Variants in CLHC1 observed in about 807,000 individuals in gnomAD.
The protein encoded by CLHC1 is clathrin heavy chain linker domain-containing protein 1.
Under a neutral mutation model 69.5 loss-of-function variants are expected in CLHC1, and 72 were observed. That is an observed-to-expected ratio of 1.04 (90% CI 0.86 to 1.26). The LOEUF is 1.26. CLHC1 is among the 50% of genes most tolerant of loss of function. The pLI is 0.00. For synonymous variants in CLHC1, 223 were observed against 224.3 expected (o/e 0.99, Z 0.05); for missense variants, 790 against 679.3 (o/e 1.16, Z -1.81).
At chr2:55,223,227 CAATA>C (rs1490219258) in intron 2 of CLHC1, among the ~76,000 whole-genome samples, 6 of 152,210 alleles carry the variant, frequency 3.9e-5, no homozygotes, top group Admixed American at 3.9e-4. Context: ...CACACAATAG[CAATA>C]AATAATGTAT....
chr2:55,184,196 C>T (rs527397174), intron 9 of CLHC1, among the ~76,000 whole-genome samples: 4 of 148,782 alleles, frequency 2.7e-5, no homozygotes, highest in East Asian at 2.0e-4. Context: ...ATCTTAACTT[C>T]CCAGGCTCAG....
At chr2:55,227,105 G>A (rs1195288879) in intron 2 of CLHC1, among the ~76,000 whole-genome samples, 3 of 152,108 alleles carry the variant, frequency 2.0e-5, no homozygotes, top group Admixed American at 6.5e-5. Flanking sequence ...AAGATTAAAA[G>A]GCCAAAATTA....
chr2:55,212,770 T>C lies in CLHC1; in HGVS notation c.402A>G (p.Gln134=), dbSNP rs760407335. The C allele has an allele frequency of 2.5e-6, 4 of 1,603,566 alleles. No homozygotes were observed. In the South Asian group the frequency reaches 3.3e-5, roughly 13 times the overall value. The change falls in exon 5 of 13, where the codon CAA becomes CAG. Residue 134 remains glutamine (Q), a synonymous_variant. Coordinates refer to ENST00000401408, the MANE Select transcript of CLHC1 (RefSeq NM_152385.4). ...ACTGCTTGATGTGATCTATTTGAGA[T>C]TGAATCTTCGAGGAATTACTTTCGA... is the stretch of plus-strand genomic sequence containing the variant. ...RIIESNSSKI[Q]SQIDHIKQCR...
intron 9 of CLHC1, 62 bp downstream of exon 9, chr2:55,206,208 T>C: frequency 1.0e-6 from 1 of 972,062 alleles, no homozygotes. Flanking sequence ...GCTTTTTCTA[T>C]TTTATGAGAG....
intron 9 of CLHC1, among the ~76,000 whole-genome samples, chr2:55,184,820 G>T (rs1259390042): frequency 2.6e-5 from 4 of 151,466 alleles, no homozygotes; most frequent in Non-Finnish European, 4.4e-5. Context: ...CAGGAGAATC[G>T]CTTGAACCCA....
intron 3 of CLHC1, among the ~76,000 whole-genome samples, chr2:55,221,056 A>G (rs752034792): frequency 1.4e-4 from 21 of 152,200 alleles, no homozygotes; most frequent in Non-Finnish European, 2.4e-4. Context: ...TCTGAACCTC[A>G]CTTTCTCTTA....
In CLHC1 at chr2:55,217,804, T is replaced by A. The variant is rs1461201395; in HGVS notation, c.365+7A>T. 2 of 1,514,218 alleles carry A rather than the reference T, an allele frequency of 1.3e-6. No individual in the cohort carries two copies. Among genetic ancestry groups the A allele is most frequent in the Non-Finnish European group, 1.8e-6 (2 of 1,131,270 alleles). The allele number at this position is 1,514,218 out of a possible 1,614,324, so 93.8% of individuals were successfully genotyped here. ...CCATCTTTTGGGCTAGTTACTAAAA[T>A]ACTTACTTTGCTTCAAGTTGGATTG... is the stretch of plus-strand genomic sequence containing the variant. On this transcript the variant is annotated splice_region_variant and intron_variant, in intron 4 of 12. Transcript: ENST00000401408.
chr2:55,186,258 C>T (rs754978651), intron 9 of CLHC1, among the ~76,000 whole-genome samples: 5 of 152,118 alleles, frequency 3.3e-5, no homozygotes, highest in Non-Finnish European at 7.4e-5. Flanking sequence ...AAAGCCTTTC[C>T]AGAGAATACA....
rs1294835578 is a variant in CLHC1, at chr2:55,180,611, C to G, written c.1283G>C (p.Ser428Thr). 1 of 1,614,066 alleles carries G rather than the reference C, an allele frequency of 6.2e-7. No individual in the cohort carries two copies. The highest frequency in any genetic ancestry group is 8.5e-7 in the Non-Finnish European group (1 of 1,179,944). ...AGCTTTCTTGTGCAGGCCACATTCA[C>G]TGTAGACAATCTGAGCTAAAGCCAG... ...KCLALAQIVY[S>T]ECGLHKKAIL... Residue 428 changes from serine to threonine, a missense_variant, in exon 11 of 13, where the codon AGT (serine) becomes ACT (threonine). Coordinates refer to ENST00000401408, the MANE Select transcript of CLHC1 (RefSeq NM_152385.4).
chr2:55,203,153 C>T (rs1319623519), intron 9 of CLHC1, among the ~76,000 whole-genome samples: 1 of 152,026 alleles, frequency 6.6e-6, no homozygotes, highest in Non-Finnish European at 1.5e-5. Flanking sequence ...ATGAAAGAAA[C>T]TGAAGAGGAC....
chr2:55,204,914 G>A (rs1374562778), intron 9 of CLHC1, among the ~76,000 whole-genome samples: 1 of 152,112 alleles, frequency 6.6e-6, no homozygotes, highest in African/African-American at 2.4e-5. Flanking sequence ...GTAGAAGGAT[G>A]GTTACCAGAG....
At chr2:55,222,575 G>GA (rs776214463) in intron 2 of CLHC1, 82 bp from the exon 3 acceptor site, 7 of 546,110 alleles carry the variant, frequency 1.3e-5, no homozygotes, top group Non-Finnish European at 2.2e-5. Context: ...ATTTTTTTTA[G>GA]AAAAAAATTT....
chr2:55,223,385 G>GC (rs1674347074), intron 2 of CLHC1, among the ~76,000 whole-genome samples: 1 of 152,116 alleles, frequency 6.6e-6, no homozygotes, highest in South Asian at 2.1e-4. Flanking sequence ...TCAAGCAGCC[G>GC]CATTATGCCG....
At chr2:55,217,146 G>T (rs1190832748) in intron 4 of CLHC1, among the ~76,000 whole-genome samples, 2 of 152,020 alleles carry the variant, frequency 1.3e-5, no homozygotes, top group Admixed American at 6.6e-5. Context: ...AGTGGGCCAA[G>T]ATCAAGCTAC....
At chr2:55,195,619 T>C (rs1222628166) in intron 9 of CLHC1, among the ~76,000 whole-genome samples, 1 of 151,992 alleles carries the variant, frequency 6.6e-6, no homozygotes, top group East Asian at 1.9e-4. Context: ...CTGGCCAACA[T>C]GGTGAAACCC....
intron 2 of CLHC1, chr2:55,224,203 G>T (rs1283195493): frequency 2.0e-5 from 6 of 296,064 alleles, no homozygotes; most frequent in Non-Finnish European, 1.4e-5. Context: ...ACAAGGCTCA[G>T]TTCAAGCGAA....
chr2:55,216,291 C>CAA (rs552944752), intron 4 of CLHC1, among the ~76,000 whole-genome samples: 11 of 107,130 alleles, frequency 1.0e-4, no homozygotes, highest in Non-Finnish European at 1.6e-4. Context: ...AACTCCGTCT[C>CAA]AAAAAAAAAA....
chr2:55,180,380 T>G, intron 11 of CLHC1, 130 bp downstream of exon 11: 2 of 618,190 alleles, frequency 3.2e-6, no homozygotes, highest in African/African-American at 1.8e-5. Context: ...ACACAAGAAA[T>G]CTCCTACTTA....
chr2:55,193,845 A>G (rs1421651646), intron 9 of CLHC1, among the ~76,000 whole-genome samples: 2 of 152,236 alleles, frequency 1.3e-5, no homozygotes, highest in Non-Finnish European at 2.9e-5. Context: ...AGCATTATTC[A>G]TAATAGCCAA....
Sources: allele counts gnomAD v4.1 joint callset (sites outside exome capture counted in the v4.1 genomes callset), GRCh38; gene constraint gnomAD v4.1.1; transcripts MANE v1.5; gene names NCBI Gene and HGNC (gene_info 2026-07-23, HGNC 2026-07-21).